CLCN2: variants seen among roughly 807,000 people sequenced by gnomAD.
CLCN2 encodes chloride channel protein 2.
A neutral mutation model predicts 108.3 loss-of-function variants in CLCN2; 72 were observed. The ratio of observed to expected loss-of-function variants is 0.66; its 90% CI spans 0.55 to 0.81. The LOEUF is 0.81. Ranked by LOEUF, CLCN2 falls within the 30% of genes least tolerant of loss-of-function variation. The probability of loss-of-function intolerance (pLI) is 0.00; values close to 1 mark genes in which losing one functional copy is unlikely to be tolerated. For missense variants in CLCN2, 1,048 were observed against 1,205.2 expected (o/e 0.87, Z 1.93); for synonymous variants, 471 against 467.1 (o/e 1.01, Z -0.11).
intron 4 of CLCN2, 42 bp from the exon 5 acceptor site, chr3:184,358,137 A>G: frequency 3.1e-6 from 5 of 1,613,904 alleles, no homozygotes; most frequent in Non-Finnish European, 4.2e-6. Context: ...CGATGCACCC[A>G]TTTCAGGGGT....
chr3:184,357,490 G>GT lies in CLCN2; in HGVS notation c.773-4dup, dbSNP rs781375343. Reference sequence around the variant, plus strand: ...GACCTCGATGCTGAAGAGGACGCCTGTGAGGGGGAGGGAGACCAGCACTTG... The same window carrying GT: ...GACCTCGATGCTGAAGAGGACGCCTGTTGAGGGGGAGGGAGACCAGCACTTG... On this transcript the variant is annotated splice_region_variant and splice_polypyrimidine_tract_variant and intron_variant, in intron 7 of 23. Coordinates refer to ENST00000265593, the MANE Select transcript of CLCN2 (RefSeq NM_004366.6). 2 of 1,614,198 alleles carry GT rather than the reference G, an allele frequency of 1.2e-6. No homozygotes were observed. Among genetic ancestry groups the GT allele is most frequent in the South Asian group, 1.1e-5 (1 of 91,090 alleles).
chr3:184,346,357 A>C lies in CLCN2; in HGVS notation c.*249T>G. 1.8e-6 allele frequency: 1 copy of C among 569,154 alleles called. No homozygotes were observed. Among genetic ancestry groups the C allele is most frequent in the South Asian group, 2.0e-5 (1 of 50,474 alleles). The allele number at this position is 569,154 out of a possible 1,614,324, so 35.3% of individuals were successfully genotyped here. A position where few individuals can be genotyped will look rare whatever the true frequency, so the allele number is the denominator to read the frequency against. On this transcript the variant is annotated 3_prime_UTR_variant, in exon 24 of 24. Coordinates refer to ENST00000265593, the MANE Select transcript of CLCN2 (RefSeq NM_004366.6). The surrounding 1 kb of genome is among the most constrained non-coding windows in gnomAD (Gnocchi z 6.0). ...CCCCTCAAAGGGGGAGCAGGGGTCA[A>C]GTGACCCCAACCCATCCTGCCAGGG... is the stretch of plus-strand genomic sequence containing the variant.
At chr3:184,352,568 G>A in intron 19 of CLCN2, 72 bp from the exon 20 acceptor site, 1 of 1,534,228 alleles carries the variant, frequency 6.5e-7, no homozygotes, top group Admixed American at 1.8e-5. Flanking sequence ...GTGAGGGGAA[G>A]TGGTGGAGCC....
intron 22 of CLCN2, chr3:184,347,322 C>T (rs1727750500): frequency 2.2e-6 from 1 of 450,720 alleles, no homozygotes; most frequent in Admixed American, 3.4e-5. Context: ...GACAGAACAA[C>T]TGTTCACACG....
Position 184,354,575 on chromosome 3 carries a change from T to C in CLCN2, c.1480A>G (p.Ile494Val). The change falls in exon 14 of 24, where the codon ATT (isoleucine) becomes GTT (valine). Residue 494 changes from isoleucine (I) to valine (V), a missense_variant. Ile to Val is a conservative substitution (Grantham distance 29). Coordinates refer to ENST00000265593, the MANE Select transcript of CLCN2 (RefSeq NM_004366.6). ...GIHTDSSTYR[I>V]VPGGYAVVGA... is the part of the protein sequence containing the mutation. ...ACCACAGCGTAGCCCCCAGGCACAA[T>C]CCGGTAGGTGCTGCTGTCCGTATGA... 1.9e-6 allele frequency: 3 copies of C among 1,611,152 alleles called. No individual in the cohort carries two copies. The highest frequency in any genetic ancestry group is 2.5e-6 in the Non-Finnish European group (3 of 1,179,202).
At chr3:184,352,220 TG>T in intron 21 of CLCN2, 72 bp downstream of exon 21, 1 of 1,602,900 alleles carries the variant, frequency 6.2e-7, no homozygotes. Context: ...GTCCCTCCCA[TG>T]GGGACAGCAG....
intron 13 of CLCN2, 113 bp from the exon 14 acceptor site, chr3:184,354,771 G>A (rs960406150): frequency 5.5e-5 from 73 of 1,317,230 alleles, no homozygotes; most frequent in Admixed American, 1.0e-4. Context: ...TTCAGTGTAG[G>A]GCACAGCCCT....
In CLCN2 at chr3:184,358,956, C is replaced by T; in HGVS notation, c.220+19G>A. On this transcript the variant is annotated intron_variant, in intron 2 of 23. Transcript: ENST00000265593. ...CAGCACAGCACAGCCAGGTCCCCTG[C>T]CCCCACCCCAGTTCTCACCGCGGCA... is the stretch of plus-strand genomic sequence containing the variant. The T allele has an allele frequency of 6.2e-7, 1 of 1,613,504 alleles. No homozygotes were observed. The highest frequency in any genetic ancestry group is 1.1e-5 in the South Asian group (1 of 91,086).
intron 1 of CLCN2, among the ~76,000 whole-genome samples, chr3:184,360,033 G>A (rs1195772825): frequency 1.3e-5 from 2 of 151,730 alleles, no homozygotes; most frequent in African/African-American, 4.8e-5. Context: ...GAGGGTGAGA[G>A]ATAGGAAAGG....
In CLCN2 at chr3:184,357,240, G is replaced by A. The variant is rs863225250; in HGVS notation, c.925C>T (p.Arg309Ter). Residue 309 changes from arginine (R) to a stop codon, truncating the protein, a stop_gained, in exon 9 of 24, where the codon CGA (arginine) becomes TGA (stop). Coordinates refer to ENST00000265593, the MANE Select transcript of CLCN2 (RefSeq NM_004366.6). LOFTEE classifies it high-confidence loss of function. ...TCAAAGGGGAAGTCGAGCCGGAATC[G>A]GGTTTTGAAGAGGGCTGTAATAGTC... is the stretch of plus-strand genomic sequence containing the variant. ...EETITALFKT[R>*]FRLDFPFDLQ... is the part of the protein sequence containing the mutation. The A allele has an allele frequency of 1.2e-6, 2 of 1,613,892 alleles. No individual in the cohort carries two copies. Among genetic ancestry groups the A allele is most frequent in the East Asian group, 2.2e-5 (1 of 44,882 alleles).
Position 184,352,334 on chromosome 3 carries a change from A to G in CLCN2, c.2272-3T>C, listed in dbSNP as rs1728167867. 6.2e-7 allele frequency: 1 copy of G among 1,613,846 alleles called. No individual in the cohort carries two copies. Among genetic ancestry groups the G allele is most frequent in the Non-Finnish European group, 8.5e-7 (1 of 1,180,012 alleles). ...TCGCCTTCCAGGTCCGCGTCACTCTAGTAGAGAGGGAGGGAGGCTGGCAGC... is the reference window on the plus strand; with the variant it reads ...TCGCCTTCCAGGTCCGCGTCACTCTGGTAGAGAGGGAGGGAGGCTGGCAGC... On this transcript the variant is annotated splice_region_variant and splice_polypyrimidine_tract_variant and intron_variant, in intron 20 of 23. Transcript: ENST00000265593.
chr3:184,353,298 T>G lies in CLCN2; in HGVS notation c.1980A>C (p.Leu660=), dbSNP rs546609891. The G allele has an allele frequency of 5.6e-6, 9 of 1,613,340 alleles. No homozygotes were observed. In the South Asian group the frequency reaches 6.6e-5, roughly 12 times the overall value. The change falls in exon 17 of 24, where the codon CTA becomes CTC. Residue 660 remains leucine (L), a synonymous_variant. Transcript: ENST00000265593. ...QERRATQTSP[L]SDQEGPPTPE... Reference sequence around the variant, plus strand: ...GGGTAGGGGGACCCTCCTGATCAGATAGTGGAGAGGTCTGGGTGGCTCTGC... The same window carrying G: ...GGGTAGGGGGACCCTCCTGATCAGAGAGTGGAGAGGTCTGGGTGGCTCTGC...
At chr3:184,347,252 C>T (rs762682050) in intron 22 of CLCN2, 25 of 584,686 alleles carry the variant, frequency 4.3e-5, no homozygotes, top group African/African-American at 2.6e-4. Flanking sequence ...ATTGCTTACA[C>T]TGACGGAGAA....
Position 184,355,398 on chromosome 3 carries a change from G to C in CLCN2, c.1302C>G (p.Thr434=), listed in dbSNP as rs201693341. ...CCTTCATGAGAATGAAGATGACCAG[G>C]GTGAGGAAGACGTTGGCACGTGGTG... ...WNPPRANVFL[T]LVIFILMKFW... The change falls in exon 12 of 24, where the codon ACC becomes ACG. Residue 434 remains threonine, a synonymous_variant. Coordinates refer to ENST00000265593, the MANE Select transcript of CLCN2 (RefSeq NM_004366.6). This position sits in a 1 kb window ranked among gnomAD's most constrained non-coding sequence, Gnocchi z 6.3. The C allele has an allele frequency of 4.6e-5, 75 of 1,613,858 alleles. No individual in the cohort carries two copies. In the South Asian group the frequency reaches 7.5e-4, roughly 16 times the overall value.
chr3:184,358,776 C>T lies in CLCN2; in HGVS notation c.258G>A (p.Arg86=). ...CCAGGAAGATCCAATCTTCACCAAC[C>T]CTGGATACTAGGAACTTGTGGCAGC... is the stretch of plus-strand genomic sequence containing the variant. The part of the protein sequence containing the change: ...SVRCHKFLVS[R]VGEDWIFLVL... The change falls in exon 3 of 24, where the codon AGG becomes AGA. Residue 86 remains arginine (R), a synonymous_variant. Transcript: ENST00000265593. 1 of 1,612,416 alleles carries T rather than the reference C, an allele frequency of 6.2e-7. No homozygotes were observed. Among genetic ancestry groups the T allele is most frequent in the Non-Finnish European group, 8.5e-7 (1 of 1,179,210 alleles).
Position 184,355,415 on chromosome 3 carries a change from C to T in CLCN2, c.1285G>A (p.Ala429Thr), listed in dbSNP as rs1267172949. 1 of 1,614,000 alleles carries T rather than the reference C, an allele frequency of 6.2e-7. No homozygotes were observed. The highest frequency in any genetic ancestry group is 8.5e-7 in the Non-Finnish European group (1 of 1,180,022). ...STSQAWNPPR[A>T]NVFLTLVIFI... ...ATGACCAGGGTGAGGAAGACGTTGG[C>T]ACGTGGTGGGTTCCAGGCCTGTGAG... Residue 429 changes from alanine (A) to threonine (T), a missense_variant, in exon 12 of 24, where the codon GCC (alanine) becomes ACC (threonine). Transcript: ENST00000265593. The surrounding 1 kb of genome is among the most constrained non-coding windows in gnomAD (Gnocchi z 6.3).
Position 184,361,530 on chromosome 3 carries a change from A to G in CLCN2, c.-51T>C. Reference sequence around the variant, plus strand: ...CTCGGCGGTTCCGGCTCTGTCCTGGACTCGGCTCCCGGCCCGCAAAGTCCG... The same window carrying G: ...CTCGGCGGTTCCGGCTCTGTCCTGGGCTCGGCTCCCGGCCCGCAAAGTCCG... On this transcript the variant is annotated 5_prime_UTR_variant, in exon 1 of 24. Transcript: ENST00000265593. This position sits in a 1 kb window ranked among gnomAD's most constrained non-coding sequence, Gnocchi z 6.6. 6.3e-7 allele frequency: 1 copy of G among 1,594,272 alleles called. No homozygotes were observed. Among genetic ancestry groups the G allele is most frequent in the South Asian group, 1.1e-5 (1 of 90,792 alleles).
chr3:184,347,227 A>C, intron 22 of CLCN2: 2 of 628,920 alleles, frequency 3.2e-6, no homozygotes, highest in South Asian at 3.6e-5. Context: ...GGAACTTGAT[A>C]CTCAAAATCC....
rs990188731 is a variant in CLCN2 at position 184,352,283 on chromosome 3, G to A, written c.2310+10C>T. 6.2e-7 allele frequency: 1 copy of A among 1,613,444 alleles called. No homozygotes were observed. The highest frequency in any genetic ancestry group is 8.5e-7 in the Non-Finnish European group (1 of 1,179,982). On this transcript the variant is annotated intron_variant, in intron 21 of 23. Coordinates refer to ENST00000265593, the MANE Select transcript of CLCN2 (RefSeq NM_004366.6). ...GAAGAAACAGGGTCCAGAGTCCAGTGGCACCTTACCTCTTCAGGGCTCATC... is the reference window on the plus strand; with the variant it reads ...GAAGAAACAGGGTCCAGAGTCCAGTAGCACCTTACCTCTTCAGGGCTCATC...
Sources: allele counts gnomAD v4.1 joint callset (sites outside exome capture counted in the v4.1 genomes callset), GRCh38; gene constraint gnomAD v4.1.1; non-coding constraint Gnocchi (gnomAD v3.1); transcripts MANE v1.5; gene names NCBI Gene and HGNC (gene_info 2026-07-23, HGNC 2026-07-21).